The following FAF1 variants were observed in gnomAD, a reference collection of about 807,000 sequenced individuals.
FAF1 encodes the protein FAS-associated factor 1.
Under a neutral mutation model 92.5 loss-of-function variants are expected in FAF1, and 25 were observed. That is an observed-to-expected ratio of 0.27 (90% CI 0.20 to 0.38). The LOEUF (loss-of-function observed/expected upper bound fraction) is 0.38, where lower values mean the gene tolerates loss of function less well. FAF1 is among the 10% of genes least tolerant of loss of function. FAF1 has a pLI of 1.00. For synonymous variants in FAF1, 234 were observed against 273.2 expected, an observed-to-expected ratio of 0.86 and a Z score of 1.42; for missense variants, 636 against 793.3, an observed-to-expected ratio of 0.80 and a Z score of 2.38.
chr1:50,864,348 T>C (rs1454104478), intron 1 of FAF1, among the ~76,000 whole-genome samples: 2 of 151,016 alleles, frequency 1.3e-5, no homozygotes, highest in Non-Finnish European at 3.0e-5. Flanking sequence ...TTTAGTGCTA[T>C]AAATTTCCCT....
chr1:50,875,612 C>T (rs1306763263), intron 1 of FAF1, among the ~76,000 whole-genome samples: 4 of 152,044 alleles, frequency 2.6e-5, no homozygotes, highest in Non-Finnish European at 5.9e-5. Flanking sequence ...GCCACCATGC[C>T]CAACTAATTT....
At chr1:50,902,093 T>C (rs1644801247) in intron 1 of FAF1, among the ~76,000 whole-genome samples, 1 of 152,188 alleles carries the variant, frequency 6.6e-6, no homozygotes, top group African/African-American at 2.4e-5. Flanking sequence ...TCCTCATAAA[T>C]CCTACTAATA....
At chr1:50,687,159 G>C (rs1388079162) in intron 7 of FAF1, among the ~76,000 whole-genome samples, 1 of 151,996 alleles carries the variant, frequency 6.6e-6, no homozygotes, top group East Asian at 1.9e-4. Flanking sequence ...TTTTACCCAA[G>C]TGGCATAATT....
chr1:50,939,145 T>C (rs1645110182), intron 1 of FAF1, among the ~76,000 whole-genome samples: 1 of 152,230 alleles, frequency 6.6e-6, no homozygotes, highest in Non-Finnish European at 1.5e-5. Context: ...AATGTATAAA[T>C]TGCTCTGGAG....
At chr1:50,728,135 A>T (rs1265043784) in intron 6 of FAF1, among the ~76,000 whole-genome samples, 1 of 152,126 alleles carries the variant, frequency 6.6e-6, no homozygotes, top group Non-Finnish European at 1.5e-5. Context: ...TCACTAATAT[A>T]ATGCACGGTA....
At chr1:50,597,213 C>T (rs1651863140) in intron 8 of FAF1, among the ~76,000 whole-genome samples, 1 of 152,080 alleles carries the variant, frequency 6.6e-6, no homozygotes. Flanking sequence ...ATAAAATGTC[C>T]AGCGAAAAGG....
chr1:50,760,931 A>G (rs1037001492), intron 4 of FAF1, among the ~76,000 whole-genome samples: 1 of 152,182 alleles, frequency 6.6e-6, no homozygotes, highest in Non-Finnish European at 1.5e-5. Context: ...CAAAATTGAT[A>G]GACCGCTAGC....
Position 50,655,514 on chromosome 1 carries a change from C to T in FAF1, c.672G>A (p.Val224=). 1.2e-6 allele frequency: 2 copies of T among 1,609,908 alleles called. No individual in the cohort carries two copies. The highest frequency in any genetic ancestry group is 2.2e-5 in the East Asian group (1 of 44,858). Residue 224 remains valine (V), a synonymous_variant, in exon 8 of 19, where the codon GTG becomes GTA. Transcript: ENST00000396153. The stretch of plus-strand genomic sequence containing the variant: ...GAACGGGGATACTTGTAAGGTCATA[C>T]ACATTTCTCTTTACCTATGAAAAGA... The part of the protein sequence containing the change: ...SSTIQEVKRN[V]YDLTSIPVRH...
chr1:50,646,344 G>A (rs1056549805), intron 8 of FAF1, among the ~76,000 whole-genome samples: 10 of 152,068 alleles, frequency 6.6e-5, no homozygotes, highest in African/African-American at 2.4e-4. Context: ...AAAATGCTTA[G>A]TTTTGATAAC....
intron 8 of FAF1, chr1:50,612,259 C>T (rs1046718500): frequency 1.2e-4 from 78 of 663,070 alleles, no homozygotes; most frequent in Non-Finnish European, 1.5e-4. Context: ...AGCCCTTTGC[C>T]TTATTCTACA....
intron 15 of FAF1, among the ~76,000 whole-genome samples, chr1:50,492,949 G>A (rs905798659): frequency 3.3e-5 from 5 of 151,900 alleles, no homozygotes; most frequent in African/African-American, 1.2e-4. Flanking sequence ...TGGCCTGAAG[G>A]TAATTGTTAT....
intron 2 of FAF1, among the ~76,000 whole-genome samples, chr1:50,819,589 A>T (rs1286426470): frequency 6.8e-6 from 1 of 147,454 alleles, no homozygotes; most frequent in East Asian, 2.0e-4. Flanking sequence ...TCACACCACC[A>T]TACTCCAGCC....
intron 7 of FAF1, among the ~76,000 whole-genome samples, chr1:50,667,367 TG>T (rs1655684808): frequency 6.6e-6 from 1 of 152,212 alleles, no homozygotes; most frequent in Non-Finnish European, 1.5e-5. Context: ...ACTTGGCCAA[TG>T]GACAGTAAAT....
chr1:50,829,101 T>TA (rs143357209), intron 2 of FAF1, among the ~76,000 whole-genome samples: 2,103 of 152,202 alleles, frequency 0.014, 47 homozygotes, highest in African/African-American at 0.047. Flanking sequence ...GATTAAAAGC[T>TA]AAAAAGGCTG....
At chr1:50,713,888 C>T (rs1658058944) in intron 6 of FAF1, among the ~76,000 whole-genome samples, 1 of 150,922 alleles carries the variant, frequency 6.6e-6, no homozygotes, top group African/African-American at 2.4e-5. Context: ...ATCCTCCCGG[C>T]TCAGCCTCCC....
At chr1:50,817,040 T>G (rs1023891164) in intron 2 of FAF1, among the ~76,000 whole-genome samples, 2 of 152,200 alleles carry the variant, frequency 1.3e-5, no homozygotes, top group African/African-American at 4.8e-5. Flanking sequence ...CCTAGGTCTA[T>G]GTGTCTGTTT....
chr1:50,895,462 A>G (rs1644750769), intron 1 of FAF1, among the ~76,000 whole-genome samples: 1 of 152,170 alleles, frequency 6.6e-6, no homozygotes, highest in Non-Finnish European at 1.5e-5. Context: ...AAGAACTAAT[A>G]CCAATCCCAC....
intron 3 of FAF1, among the ~76,000 whole-genome samples, chr1:50,792,805 C>A (rs1419254500): frequency 6.6e-6 from 1 of 152,092 alleles, no homozygotes; most frequent in African/African-American, 2.4e-5. Context: ...GAGAAAGACT[C>A]CTGAACAAGC....
chr1:50,523,077 T>C (rs537991434), intron 15 of FAF1, among the ~76,000 whole-genome samples: 1 of 152,326 alleles, frequency 6.6e-6, no homozygotes, highest in East Asian at 1.9e-4. Context: ...TTCATTTATG[T>C]TGCAACATTT....
Sources: gnomAD v4.1 joint callset for allele counts (sites outside exome capture counted in the v4.1 genomes callset) on GRCh38, gnomAD v4.1.1 for gene constraint, MANE v1.5 for transcripts, NCBI Gene and HGNC (gene_info 2026-07-23, HGNC 2026-07-21) for gene names.